The following GRM7 variants were observed in gnomAD, a reference collection of about 807,000 sequenced individuals.
GRM7 encodes the protein glutamate metabotropic receptor 7.
Under a neutral mutation model 84.5 loss-of-function variants are expected in GRM7, and 35 were observed. The observed-to-expected ratio is 0.41, with a 90% CI of 0.32 to 0.55. The LOEUF (loss-of-function observed/expected upper bound fraction) is 0.55. Ranked by LOEUF, GRM7 falls within the 20% of genes least tolerant of loss-of-function variation. The pLI is 0.19. For missense variants in GRM7, 1,003 were observed against 1,194.6 expected, an observed-to-expected ratio of 0.84 and a Z score of 2.36; for synonymous variants, 487 against 455.1, an observed-to-expected ratio of 1.07 and a Z score of -0.89.
At chr3:7,220,223 T>C (rs1358580738) in intron 2 of GRM7, among the ~76,000 whole-genome samples, 1 of 152,320 alleles carries the variant, frequency 6.6e-6, no homozygotes. Flanking sequence ...CAAAGAAGAC[T>C]GCCTGGAAAA....
At chr3:7,649,926 T>C (rs1461886196) in intron 8 of GRM7, among the ~76,000 whole-genome samples, 1 of 152,196 alleles carries the variant, frequency 6.6e-6, no homozygotes, top group African/African-American at 2.4e-5. Context: ...TTCATAGTGG[T>C]GATAATAGAT....
chr3:7,180,900 AG>A (rs1162895531), intron 2 of GRM7, among the ~76,000 whole-genome samples: 2 of 152,136 alleles, frequency 1.3e-5, no homozygotes, highest in African/African-American at 4.8e-5. Context: ...ATTTTAAGCC[AG>A]TCCTTTTTAT....
chr3:6,933,524 T>G (rs914368294), intron 1 of GRM7, among the ~76,000 whole-genome samples: 1 of 152,172 alleles, frequency 6.6e-6, no homozygotes, highest in African/African-American at 2.4e-5. Context: ...TCCTATTGTA[T>G]TTGAAATACG....
In GRM7 at chr3:6,861,829, G is replaced by C. The variant is rs755132698; in HGVS notation, c.441G>C (p.Pro147=). The C allele has an allele frequency of 3.1e-6, 5 of 1,614,168 alleles. No homozygotes were observed. The highest frequency in any genetic ancestry group is 1.7e-5 in the Admixed American group (1 of 60,036). Residue 147 remains proline, a synonymous_variant, in exon 1 of 10, where the codon CCG becomes CCC. Transcript: ENST00000357716. This position sits in a 1 kb window ranked among gnomAD's most constrained non-coding sequence, Gnocchi z 6.4. ...GCGAACCGCCGGTTTTCGTCAAGCC[G>C]GAGAAAGTAGTTGGAGTGATTGGGG... The part of the protein sequence containing the change: ...TNGEPPVFVK[P]EKVVGVIGAS...
At chr3:7,193,664 T>C (rs930684333) in intron 2 of GRM7, among the ~76,000 whole-genome samples, 14 of 134,206 alleles carry the variant, frequency 1.0e-4, no homozygotes, top group African/African-American at 3.1e-4. Flanking sequence ...TATTTCTCTT[T>C]CCTCTCTCTC....
intron 4 of GRM7, among the ~76,000 whole-genome samples, chr3:7,385,239 A>G (rs1307549615): frequency 6.8e-6 from 1 of 147,890 alleles, no homozygotes; most frequent in Non-Finnish European, 1.5e-5. Context: ...GGAGTATTTT[A>G]GACATATTGA....
chr3:7,529,467 G>A (rs947396572), intron 7 of GRM7, among the ~76,000 whole-genome samples: 4 of 152,096 alleles, frequency 2.6e-5, no homozygotes, highest in Admixed American at 2.0e-4. Context: ...CTGTTATATG[G>A]ACAGAAATTC....
rs375004955 is a variant in GRM7 at position 7,503,093 on chromosome 3, G to A, written c.1515+41371G>A. ...GTGTCTACTTACAATCACAAGGAGC[G>A]CCTAGAAAGCTGGGCAGAGGAAAAC... On this transcript the variant is annotated intron_variant, in intron 7 of 9. Transcript: ENST00000357716. Among the ~76,000 whole-genome samples the A allele has an allele frequency of 5.4e-4, 82 of 152,182 alleles. 1 individual carries two copies. The highest frequency in any genetic ancestry group is 1.5e-3 in the African/African-American group (61 of 41,528).
At chr3:7,547,071 A>G (rs1285418890) in intron 7 of GRM7, among the ~76,000 whole-genome samples, 1 of 152,020 alleles carries the variant, frequency 6.6e-6, no homozygotes, top group Non-Finnish European at 1.5e-5. Flanking sequence ...CTAAACTAGG[A>G]CGGGAGGGCT....
intron 1 of GRM7, among the ~76,000 whole-genome samples, chr3:6,871,854 A>G (rs541111245): frequency 6.6e-6 from 1 of 152,152 alleles, no homozygotes; most frequent in Non-Finnish European, 1.5e-5. Flanking sequence ...GAAGAACGGA[A>G]CAGAGGGTAA....
chr3:7,220,012 T>C (rs960114409), intron 2 of GRM7, among the ~76,000 whole-genome samples: 2 of 152,204 alleles, frequency 1.3e-5, no homozygotes, highest in Non-Finnish European at 2.9e-5. Context: ...TAAAGTAGTA[T>C]TGGACTATAA....
rs149150395 is a variant in GRM7, at chr3:7,226,144, T to C, written c.737-72540T>C. 3.9e-5 allele frequency among the ~76,000 whole-genome samples: 6 copies of C among 152,310 alleles called. No homozygotes were observed. The East Asian group carries it at 1.2e-3, about 29-fold the overall frequency. On this transcript the variant is annotated intron_variant, in intron 2 of 9. Transcript: ENST00000357716. ...AGCAGAATATGAATTTTAGAGCAGG[T>C]CTATTCATCTTCTATTGCTGTGTAA...
At chr3:7,692,989 T>C (rs2125152366) in intron 9 of GRM7, among the ~76,000 whole-genome samples, 1 of 152,136 alleles carries the variant, frequency 6.6e-6, no homozygotes, top group East Asian at 1.9e-4. Context: ...TTTTTTTTTT[T>C]TCTTTTCGAT....
chr3:7,637,695 C>T (rs978026996), intron 8 of GRM7, among the ~76,000 whole-genome samples: 4 of 152,162 alleles, frequency 2.6e-5, no homozygotes, highest in South Asian at 2.1e-4. Context: ...GACCACTGGC[C>T]GTAGTGACAG....
chr3:7,713,129 T>TGTTTCTG lies in GRM7; in HGVS notation c.2699-27228_2699-27227insGTTTCTG, dbSNP rs201479080. ...GAGGATTCGAATTTTGTTTTGTTTT[T>TGTTTCTG]TTTTTTTTTTTTTTTTTTTTTTTGA... On this transcript the variant is annotated intron_variant, in intron 9 of 9. Transcript: ENST00000357716. 1.5e-5 allele frequency among the ~76,000 whole-genome samples: 2 copies of TGTTTCTG among 132,712 alleles called. 1 individual carries two copies. The highest frequency in any genetic ancestry group is 3.2e-5 in the Non-Finnish European group (2 of 62,028). The allele number at this position is 132,712 out of a possible 152,430, so 87.1% of individuals were successfully genotyped here.
chr3:7,098,856 G>A (rs1698948635), intron 1 of GRM7, among the ~76,000 whole-genome samples: 2 of 151,928 alleles, frequency 1.3e-5, no homozygotes, highest in Admixed American at 1.3e-4. Flanking sequence ...GAGACTTGGT[G>A]TGCATCTGTA....
intron 2 of GRM7, among the ~76,000 whole-genome samples, chr3:7,221,382 C>A (rs73126289): frequency 6.6e-6 from 1 of 152,060 alleles, no homozygotes; most frequent in Non-Finnish European, 1.5e-5. Context: ...TTTCTTTCAA[C>A]TCTCAAACCT....
At chr3:7,431,965 C>T (rs1411432463) in intron 5 of GRM7, among the ~76,000 whole-genome samples, 2 of 152,026 alleles carry the variant, frequency 1.3e-5, no homozygotes, top group East Asian at 3.9e-4. Context: ...CCTGATGGGC[C>T]ATAAAGTTAG....
chr3:7,544,996 T>C (rs1461719233), intron 7 of GRM7, among the ~76,000 whole-genome samples: 1 of 152,224 alleles, frequency 6.6e-6, no homozygotes, highest in Non-Finnish European at 1.5e-5. Context: ...ACAGGAAATA[T>C]GTATCTTGTT....
Sources: gnomAD v4.1 joint callset for allele counts (sites outside exome capture counted in the v4.1 genomes callset) on GRCh38, gnomAD v4.1.1 for gene constraint, Gnocchi (gnomAD v3.1) non-coding constraint, MANE v1.5 for transcripts, NCBI Gene and HGNC (gene_info 2026-07-23, HGNC 2026-07-21) for gene names.